The following TMEM255A variants were observed in gnomAD, a reference collection of about 807,000 sequenced individuals.
TMEM255A encodes transmembrane protein 255A, also known as family with sequence similarity 70, member A.
A neutral mutation model predicts 23.5 loss-of-function variants in TMEM255A; 14 were observed. The observed-to-expected ratio is 0.60, with a 90% CI of 0.39 to 0.93. TMEM255A has a LOEUF of 0.93. Among genes scored for constraint, TMEM255A ranks in the 40% least tolerant of loss-of-function variants. The pLI, the probability that TMEM255A is intolerant of heterozygous loss-of-function variation, is 0.00. For missense variants in TMEM255A, 233 were observed against 261.7 expected, an observed-to-expected ratio of 0.89 and a Z score of 0.76; for synonymous variants, 104 against 100.3, an observed-to-expected ratio of 1.04 and a Z score of -0.22.
chrX:120,311,055 G>A (rs1273190658), intron 1 of TMEM255A, among the ~76,000 whole-genome samples, 197 bp downstream of exon 1: 4 of 110,861 alleles, frequency 3.6e-5, no homozygotes, highest in Non-Finnish European at 5.7e-5. Flanking sequence ...TCCGATCTCC[G>A]CACGTCGCTC....
chrX:120,273,815 C>G (rs1315858445), intron 7 of TMEM255A, among the ~76,000 whole-genome samples: 1 of 111,793 alleles, frequency 8.9e-6, no homozygotes, highest in Non-Finnish European at 1.9e-5. Flanking sequence ...CAGGTAGGAA[C>G]GTAAAATGAC....
At chrX:120,276,806 G>A in intron 7 of TMEM255A, 79 bp downstream of exon 7, 3 of 1,017,078 alleles carry the variant, frequency 2.9e-6, no homozygotes, top group Non-Finnish European at 4.0e-6. Flanking sequence ...ATATGTGTCT[G>A]CATTTCCCCC....
chrX:120,263,661 T>A (rs927124894), intron 8 of TMEM255A, among the ~76,000 whole-genome samples: 2 of 110,553 alleles, frequency 1.8e-5, no homozygotes, highest in East Asian at 5.7e-4. Context: ...TCTGTCGGTA[T>A]TGTGCATTCC....
downstream of TMEM255A, chrX:120,254,238 CA>C: frequency 8.3e-7 from 1 of 1,212,033 alleles, no homozygotes; most frequent in Non-Finnish European, 1.1e-6. Context: ...AGCTCCAACA[CA>C]TCTGACTCCC....
intron 6 of TMEM255A, among the ~76,000 whole-genome samples, chrX:120,282,421 G>A (rs782016568): frequency 1.8e-5 from 2 of 111,799 alleles, no homozygotes; most frequent in Non-Finnish European, 3.8e-5. Flanking sequence ...ACATTTCTAG[G>A]CTTGAAGATC....
intron 6 of TMEM255A, 43 bp downstream of exon 6, chrX:120,285,084 T>C: frequency 9.2e-7 from 1 of 1,086,456 alleles, no homozygotes; most frequent in South Asian, 1.8e-5. Context: ...TAGTGTCCGT[T>C]GTGGTCAGAC....
downstream of TMEM255A, chrX:120,256,994 G>C (rs1454036123): frequency 8.2e-6 from 1 of 122,527 alleles, no homozygotes; most frequent in Non-Finnish European, 1.9e-5. Flanking sequence ...TCGTTCTTCT[G>C]ATGGTAAGCT....
the TMEM255A span, chrX:120,253,373 T>G: frequency 9.2e-7 from 1 of 1,091,897 alleles, no homozygotes. Flanking sequence ...TTGTTTTTTC[T>G]CTCTAATCCT....
At chrX:120,275,919 A>G (rs916216686) in intron 7 of TMEM255A, among the ~76,000 whole-genome samples, 9 of 106,992 alleles carry the variant, frequency 8.4e-5, no homozygotes, top group African/African-American at 2.7e-4. Flanking sequence ...CAGCCTCCCA[A>G]GTAGCTGGGA....
At chrX:120,252,489 GT>G in the TMEM255A span, among the ~76,000 whole-genome samples, 3 of 111,602 alleles carry the variant, frequency 2.7e-5, no homozygotes, top group Non-Finnish European at 5.6e-5. Flanking sequence ...TTTTTCTAGA[GT>G]AGTCTATTCC....
Position 120,287,308 on chromosome X carries a change from T to TACACAC in TMEM255A, c.355-92_355-87dup, listed in dbSNP as rs3842485. The TACACAC allele has an allele frequency of 5.4e-4, 248 of 462,952 alleles. 1 individual carries two copies. The highest frequency in any genetic ancestry group is 3.7e-3 in the African/African-American group (138 of 36,828). 38.2% of individuals were successfully genotyped at this position (462,952 alleles called of 1,213,427 possible). A position where few individuals can be genotyped will look rare whatever the true frequency, so the allele number is the denominator to read the frequency against. On this transcript the variant is annotated intron_variant, in intron 4 of 8. Transcript: ENST00000371369. Reference sequence around the variant, plus strand: ...TGTACTTGGTAATAAAAGGTTTGAATACACACACACACACACACACACACA... The same window carrying TACACAC: ...TGTACTTGGTAATAAAAGGTTTGAATACACACACACACACACACACACACACACACA...
intron 2 of TMEM255A, among the ~76,000 whole-genome samples, chrX:120,296,770 A>T (rs868980758): frequency 0.04 from 266 of 6,684 alleles, 30 homozygotes; most frequent in African/African-American, 0.2. Context: ...ATATATATTA[A>T]ATATATTATA....
At chrX:120,264,101 G>C (rs146011691) in intron 8 of TMEM255A, among the ~76,000 whole-genome samples, 2,342 of 111,691 alleles carry the variant, frequency 0.021, 63 homozygotes, top group African/African-American at 0.071. Context: ...TCCATGGTTA[G>C]AGTAAAGTAG....
chrX:120,265,988 CAAA>C (rs782107279), intron 8 of TMEM255A, among the ~76,000 whole-genome samples: 267 of 68,737 alleles, frequency 3.9e-3, no homozygotes, highest in African/African-American at 0.015. Flanking sequence ...ACAAAAGATA[CAAA>C]AAAAAAAAAA....
chrX:120,256,321 T>G (rs1556015434), downstream of TMEM255A: 1 of 123,041 alleles, frequency 8.1e-6, no homozygotes. Flanking sequence ...AGCCACCAAA[T>G]GTATCTTTAT....
rs1343513345 is a variant in TMEM255A, at chrX:120,294,143, G to A, written c.202-92C>T. On this transcript the variant is annotated intron_variant, in intron 2 of 8. Coordinates refer to ENST00000371369, the MANE Select transcript of TMEM255A (RefSeq NM_001104544.3). The stretch of plus-strand genomic sequence containing the variant: ...CCCCTTCATATGATTCAGGATAAAA[G>A]AAAAAACTGGGCCGGGCGCGGTGGC... 5.7e-6 allele frequency: 4 copies of A among 698,303 alleles called. No homozygotes were observed. The East Asian group carries it at 1.8e-4, about 31-fold the overall frequency. The allele number at this position is 698,303 out of a possible 1,213,427, so 57.5% of individuals were successfully genotyped here.
rs782151768 is a variant in TMEM255A at position 120,298,282 on chromosome X, G to C, written c.202-4231C>G. Among the ~76,000 whole-genome samples, 9 of 111,398 alleles carry C rather than the reference G, an allele frequency of 8.1e-5. No individual in the cohort carries two copies. In the East Asian group the frequency reaches 2.5e-3, roughly 31 times the overall value. ...ATCTACTCTGGCTGGCAGTGTGTTC[G>C]ATCTGTAATTTGGAGGCCAGGAGGT... On this transcript the variant is annotated intron_variant, in intron 2 of 8. Coordinates refer to ENST00000371369, the MANE Select transcript of TMEM255A (RefSeq NM_001104544.3).
At chrX:120,251,637 C>T in the TMEM255A span, among the ~76,000 whole-genome samples, 2 of 111,892 alleles carry the variant, frequency 1.8e-5, no homozygotes, top group Non-Finnish European at 3.8e-5. Flanking sequence ...CGGTTTGTTT[C>T]ACTCCCTCGC....
intron 2 of TMEM255A, among the ~76,000 whole-genome samples, chrX:120,295,800 A>G (rs1556023903): frequency 2.7e-5 from 3 of 112,093 alleles, no homozygotes. Context: ...AGAATTAACC[A>G]GGATAATACA....
Sources: gnomAD v4.1 joint callset for allele counts (sites outside exome capture counted in the v4.1 genomes callset) on GRCh38, gnomAD v4.1.1 for gene constraint, MANE v1.5 for transcripts, NCBI Gene and HGNC (gene_info 2026-07-23, HGNC 2026-07-21) for gene names.